The following CDX2 variants were observed in gnomAD, a reference collection of about 807,000 sequenced individuals.
CDX2 encodes homeobox protein CDX-2.
In CDX2, 7 loss-of-function variants were observed where a neutral mutation model predicts 25.5. The ratio of observed to expected loss-of-function variants is 0.27; its 90% confidence interval spans 0.16 to 0.52. The LOEUF (loss-of-function observed/expected upper bound fraction) is 0.52, where lower values mean the gene tolerates loss of function less well. Ranked by LOEUF, CDX2 falls within the 20% of genes least tolerant of loss-of-function variation. CDX2 has a pLI of 0.97. For missense variants in CDX2, 375 were observed against 431.4 expected (o/e 0.87, Z 1.16); for synonymous variants, 222 against 198.6 (o/e 1.12, Z -0.99).
intron 2 of CDX2, among the ~76,000 whole-genome samples, chr13:27,963,896 G>C (rs1291782022): frequency 1.3e-5 from 2 of 152,178 alleles, no homozygotes; most frequent in African/African-American, 4.8e-5. Flanking sequence ...GTGAGAGACT[G>C]AGTACTTTAT....
Position 27,968,733 on chromosome 13 carries a change from C to A in CDX2, c.274G>T (p.Val92Leu). The A allele has an allele frequency of 2.0e-6, 3 of 1,510,454 alleles. No individual in the cohort carries two copies. Among genetic ancestry groups the A allele is most frequent in the East Asian group, 2.5e-5 (1 of 39,498 alleles). The allele number at this position is 1,510,454 out of a possible 1,614,324, so 93.6% of individuals were successfully genotyped here. A position where few individuals can be genotyped will look rare whatever the true frequency, so the allele number is the denominator to read the frequency against. Residue 92 changes from valine (V) to leucine (L), a missense_variant, in exon 1 of 3, where the codon GTG becomes TTG. By Grantham distance (32) the Val-to-Leu change is conservative. Around this residue, in one of 3 missense-constraint regions of CDX2, gnomAD observed 253 missense variants for 247.5 expected, o/e 1.02. Transcript: ENST00000381020. Reference sequence around the variant, plus strand: ...GAGCCACCGTTGAGGCCGTGAGCCACGGCGTTGGCGGCGGCCGCGGCGCCT... The same window carrying A: ...GAGCCACCGTTGAGGCCGTGAGCCAAGGCGTTGGCGGCGGCCGCGGCGCCT... ...PGGAAAAANA[V>L]AHGLNGGSPA...
In CDX2 at chr13:27,969,156, GCTCTTCTGC is replaced by G; in HGVS notation, c.-159_-151del. 1.7e-6 allele frequency: 1 copy of G among 578,314 alleles called. No individual in the cohort carries two copies. Among genetic ancestry groups the G allele is most frequent in the South Asian group, 2.1e-5 (1 of 47,148 alleles). 35.8% of individuals were successfully genotyped at this position (578,314 alleles called of 1,614,324 possible). On this transcript the variant is annotated 5_prime_UTR_variant, in exon 1 of 3. Coordinates refer to ENST00000381020, the MANE Select transcript of CDX2 (RefSeq NM_001265.6). Reference sequence around the variant, plus strand: ...CGCGGTGCTCCGCTGGCTCCTCGCGGCTCTTCTGCCTCCGAGGCGGTCCCTCCCTCTGGC... The same window carrying G: ...CGCGGTGCTCCGCTGGCTCCTCGCGGCTCCGAGGCGGTCCCTCCCTCTGGC...
At position 27,961,518 on chromosome 13, in the gene CDX2, G is replaced by A. The variant is rs548313473; in HGVS notation, c.*1597C>T. ...GTCACTAAAAGGATCATTTTATACTGGGTCTAGAAATCTTGTTTGTGGGGT... is the reference window on the plus strand; with the variant it reads ...GTCACTAAAAGGATCATTTTATACTAGGTCTAGAAATCTTGTTTGTGGGGT... On this transcript the variant is annotated 3_prime_UTR_variant, in exon 3 of 3. Transcript: ENST00000381020. Among the ~76,000 whole-genome samples the A allele has an allele frequency of 6.6e-4, 100 of 152,218 alleles. No individual in the cohort carries two copies. Among genetic ancestry groups the A allele is most frequent in the Non-Finnish European group, 1.2e-3 (81 of 68,006 alleles).
At chr13:27,963,798 T>G (rs2504211) in intron 2 of CDX2, among the ~76,000 whole-genome samples, 111,514 of 152,096 alleles carry the variant, frequency 0.73, 42,414 homozygotes, top group South Asian at 0.89. Flanking sequence ...AGATTTAATT[T>G]TGTGGCTTCC....
intron 1 of CDX2, among the ~76,000 whole-genome samples, chr13:27,965,252 G>A (rs1869258913): frequency 6.6e-6 from 1 of 152,160 alleles, no homozygotes; most frequent in Non-Finnish European, 1.5e-5. Flanking sequence ...TAAAAATTAA[G>A]GAAAGTGAAA....
chr13:27,965,366 G>A (rs1869264708), intron 1 of CDX2, among the ~76,000 whole-genome samples: 1 of 152,228 alleles, frequency 6.6e-6, no homozygotes, highest in Non-Finnish European at 1.5e-5. Context: ...AGGGTGAAGT[G>A]GCCGGGATCC....
At chr13:27,967,037 C>T (rs893965524) in intron 1 of CDX2, among the ~76,000 whole-genome samples, 1 of 152,208 alleles carries the variant, frequency 6.6e-6, no homozygotes, top group Non-Finnish European at 1.5e-5. Context: ...GCGGCCTGGG[C>T]TCTGGCGGCT....
Position 27,963,277 on chromosome 13 carries a change from C to A in CDX2, c.780G>T (p.Pro260=). Residue 260 remains proline (P), a synonymous_variant, in exon 3 of 3, where the codon CCG becomes CCT. Coordinates refer to ENST00000381020, the MANE Select transcript of CDX2 (RefSeq NM_001265.6). Reference sequence around the variant, plus strand: ...GGGGAGGCTGTGGTGGCGGCGGAGGCGGCTGTGGTGGCTGCTGCTGCTGTT... The same window carrying A: ...GGGGAGGCTGTGGTGGCGGCGGAGGAGGCTGTGGTGGCTGCTGCTGCTGTT... ...QQQQQQQPPQ[P]PPPPPQPPQP... is the part of the protein sequence containing the mutation. 2 of 1,613,704 alleles carry A rather than the reference C, an allele frequency of 1.2e-6. No individual in the cohort carries two copies. The highest frequency in any genetic ancestry group is 1.7e-6 in the Non-Finnish European group (2 of 1,179,610).
intron 1 of CDX2, among the ~76,000 whole-genome samples, chr13:27,965,412 G>A (rs941618181): frequency 2.0e-5 from 3 of 152,134 alleles, no homozygotes; most frequent in Admixed American, 6.6e-5. Flanking sequence ...ACCAGAGATG[G>A]AAGCCCACCC....
At chr13:27,966,875 C>T (rs931847817) in intron 1 of CDX2, among the ~76,000 whole-genome samples, 1 of 152,132 alleles carries the variant, frequency 6.6e-6, no homozygotes, top group South Asian at 2.1e-4. Context: ...CCTCCACCCC[C>T]ACACCTTGAC....
Position 27,968,810 on chromosome 13 carries a change from G to C in CDX2, c.197C>G (p.Pro66Arg). Residue 66 changes from proline to arginine, a missense_variant, in exon 1 of 3, where the codon CCG becomes CGG. By Grantham distance (103) the Pro-to-Arg change is moderately radical. This residue lies in a region of CDX2 where 253 missense variants were observed against 247.5 expected (regional missense o/e 1.02). Transcript: ENST00000381020. ...DSAQSPGPSW[P>R]AAYGAPLRED... The stretch of plus-strand genomic sequence containing the variant: ...CCGGAGTGGGGCGCCATACGCTGCC[G>C]GCCAGGATGGCCCCGGGGACTGCGC... 6.5e-7 allele frequency: 1 copy of C among 1,543,268 alleles called. No individual in the cohort carries two copies.
intron 1 of CDX2, chr13:27,967,126 C>T (rs141312350): frequency 4.9e-4 from 187 of 382,352 alleles, no homozygotes; most frequent in African/African-American, 3.6e-3. Context: ...GGGCGTGCGC[C>T]ACCCCCGCCA....
intron 1 of CDX2, 136 bp downstream of exon 1, chr13:27,968,330 G>A: frequency 7.2e-6 from 8 of 1,103,782 alleles, no homozygotes; most frequent in Non-Finnish European, 9.5e-6. Flanking sequence ...TTGTCTCCGG[G>A]CCGTGCCCCT....
rs570595747 is a variant in CDX2, at chr13:27,968,392, C to T, written c.541+74G>A. Reference sequence around the variant, plus strand: ...GGGACGCCCCTGTGCGCACTGGACGCGCGACGCGCAGCAGCCACTGGCTCG... The same window carrying T: ...GGGACGCCCCTGTGCGCACTGGACGTGCGACGCGCAGCAGCCACTGGCTCG... On this transcript the variant is annotated intron_variant, in intron 1 of 2. Coordinates refer to ENST00000381020, the MANE Select transcript of CDX2 (RefSeq NM_001265.6). 18 of 1,379,974 alleles carry T rather than the reference C, an allele frequency of 1.3e-5. No individual in the cohort carries two copies. In the East Asian group the frequency reaches 4.7e-4, roughly 36 times the overall value. 85.5% of individuals were successfully genotyped at this position (1,379,974 alleles called of 1,614,324 possible). A position where few individuals can be genotyped will look rare whatever the true frequency, so the allele number is the denominator to read the frequency against.
intron 1 of CDX2, among the ~76,000 whole-genome samples, chr13:27,965,654 G>C (rs1869282177): frequency 6.6e-6 from 1 of 152,178 alleles, no homozygotes; most frequent in Non-Finnish European, 1.5e-5. Flanking sequence ...TTTGGCGTTT[G>C]GTACTTTTTC....
chr13:27,969,109 G>T lies in CDX2; in HGVS notation c.-103C>A. 1.2e-6 allele frequency: 1 copy of T among 860,502 alleles called. No homozygotes were observed. The highest frequency in any genetic ancestry group is 1.7e-6 in the Non-Finnish European group (1 of 578,320). 53.3% of individuals were successfully genotyped at this position (860,502 alleles called of 1,614,324 possible). A position where few individuals can be genotyped will look rare whatever the true frequency, so the allele number is the denominator to read the frequency against. On this transcript the variant is annotated 5_prime_UTR_variant, in exon 1 of 3. Coordinates refer to ENST00000381020, the MANE Select transcript of CDX2 (RefSeq NM_001265.6). ...AAAGGGGCGAGGGGACTCGAGGAGCGGCGGGTGGCTGCGCCCCAGCCCGCG... is the reference window on the plus strand; with the variant it reads ...AAAGGGGCGAGGGGACTCGAGGAGCTGCGGGTGGCTGCGCCCCAGCCCGCG...
Position 27,964,271 on chromosome 13 carries a change from T to C in CDX2, c.687+599A>G, listed in dbSNP as rs1039609517. On this transcript the variant is annotated intron_variant, in intron 2 of 2. Transcript: ENST00000381020. This position sits in a 1 kb window ranked among gnomAD's most constrained non-coding sequence, Gnocchi z 4.7. ...AAAATTAGCCGGGCGTGGTGGCACATGCCTGTAGTCCCAGCTATTTGGGAG... is the reference window on the plus strand; with the variant it reads ...AAAATTAGCCGGGCGTGGTGGCACACGCCTGTAGTCCCAGCTATTTGGGAG... Among the ~76,000 whole-genome samples, 1 of 152,160 alleles carries C rather than the reference T, an allele frequency of 6.6e-6. No individual in the cohort carries two copies. The highest frequency in any genetic ancestry group is 2.4e-5 in the African/African-American group (1 of 41,432).
rs924465590 is a variant in CDX2, at chr13:27,969,020, C to G, written c.-14G>C. On this transcript the variant is annotated 5_prime_UTR_variant, in exon 1 of 3. Coordinates refer to ENST00000381020, the MANE Select transcript of CDX2 (RefSeq NM_001265.6). ...GCTCACGTACATGGTGGCGAGGGTCCGGGAGCAGACCTCACCATGCTGCCT... is the reference window on the plus strand; with the variant it reads ...GCTCACGTACATGGTGGCGAGGGTCGGGGAGCAGACCTCACCATGCTGCCT... 6.3e-7 allele frequency: 1 copy of G among 1,583,748 alleles called. No homozygotes were observed. The highest frequency in any genetic ancestry group is 8.6e-7 in the Non-Finnish European group (1 of 1,169,352).
Position 27,962,771 on chromosome 13 carries a change from C to A in CDX2, c.*344G>T. 1 of 268,780 alleles carries A rather than the reference C, an allele frequency of 3.7e-6. No homozygotes were observed. The highest frequency in any genetic ancestry group is 7.0e-6 in the Non-Finnish European group (1 of 142,214). 16.6% of individuals were successfully genotyped at this position (268,780 alleles called of 1,614,324 possible). A position where few individuals can be genotyped will look rare whatever the true frequency, so the allele number is the denominator to read the frequency against. On this transcript the variant is annotated 3_prime_UTR_variant, in exon 3 of 3. Coordinates refer to ENST00000381020, the MANE Select transcript of CDX2 (RefSeq NM_001265.6). ...CGGCTCTAGCCAGAGGTGCAGCCTG[C>A]AGATCTAGGAAGAGAAGAGCTGGGG...
Sources: gnomAD v4.1 joint callset for allele counts (sites outside exome capture counted in the v4.1 genomes callset) on GRCh38, gnomAD v4.1.1 for gene constraint, gnomAD v4.1.1 regional missense constraint, Gnocchi (gnomAD v3.1) non-coding constraint, MANE v1.5 for transcripts, NCBI Gene and HGNC (gene_info 2026-07-23, HGNC 2026-07-21) for gene names.